Variants in CACNA1S observed in about 807,000 individuals in gnomAD.
CACNA1S encodes the protein voltage-dependent L-type calcium channel subunit alpha-1S.
In CACNA1S, 126 loss-of-function variants were observed where a neutral mutation model predicts 207.4. The ratio of observed to expected loss-of-function variants is 0.61; its 90% CI spans 0.53 to 0.70. The LOEUF (loss-of-function observed/expected upper bound fraction) is 0.70. Ranked by LOEUF, CACNA1S falls within the 30% of genes least tolerant of loss-of-function variation. The pLI is 0.00. For missense variants in CACNA1S, 2,349 were observed against 2,422.8 expected (o/e 0.97, Z 0.64); for synonymous variants, 960 against 932.7 (o/e 1.03, Z -0.53).
intron 13 of CACNA1S, 40 bp downstream of exon 13, chr1:201,075,454 CT>C: frequency 1.3e-6 from 2 of 1,594,310 alleles, no homozygotes; most frequent in African/African-American, 1.3e-5. Flanking sequence ...CCCCCACCCC[CT>C]CCCTAAGCTC....
chr1:201,075,226 C>T (rs1335387101), intron 13 of CACNA1S, among the ~76,000 whole-genome samples: 5 of 152,222 alleles, frequency 3.3e-5, no homozygotes, highest in Non-Finnish European at 5.9e-5. Context: ...CTCCCCACTG[C>T]TCTAGGCTCA....
At chr1:201,112,164 C>G (rs200857096) in intron 1 of CACNA1S, 24 bp downstream of exon 1, 154 of 1,597,778 alleles carry the variant, frequency 9.6e-5, no homozygotes, top group East Asian at 3.1e-4. Flanking sequence ...CACCCCCCCC[C>G]ACGGCCCGGG....
chr1:201,047,146 T>C lies in CACNA1S; in HGVS notation c.4637A>G (p.Tyr1546Cys). ...FMKRQEEYYG[Y>C]RPKKDIVQIQ... ...CTGTACAATGTCCTTCTTGGGCCGA[T>C]AGCCATAATACTCCTCTTGGCGTTT... The change falls in exon 38 of 44, where the codon TAT becomes TGT. Residue 1546 changes from tyrosine to cysteine, a missense_variant. By Grantham distance (194) the Tyr-to-Cys change is radical. Coordinates refer to ENST00000362061, the MANE Select transcript of CACNA1S (RefSeq NM_000069.3). 6.2e-7 allele frequency: 1 copy of C among 1,614,212 alleles called. No individual in the cohort carries two copies. Among genetic ancestry groups the C allele is most frequent in the Non-Finnish European group, 8.5e-7 (1 of 1,180,042 alleles).
rs1660736970 is a variant in CACNA1S at position 201,053,643 on chromosome 1, G to A, written c.3667-56C>T. Reference sequence around the variant, plus strand: ...GGGGGCAGAACCTCAGAGGGGTAAGGGGCAGGGCGGGGAGGGAGGTGCACT... The same window carrying A: ...GGGGGCAGAACCTCAGAGGGGTAAGAGGCAGGGCGGGGAGGGAGGTGCACT... On this transcript the variant is annotated intron_variant, in intron 29 of 43. Coordinates refer to ENST00000362061, the MANE Select transcript of CACNA1S (RefSeq NM_000069.3). The surrounding 1 kb of genome is among the most constrained non-coding windows in gnomAD (Gnocchi z 5.1). 28 of 1,549,676 alleles carry A rather than the reference G, an allele frequency of 1.8e-5. No individual in the cohort carries two copies. In the South Asian group the frequency reaches 2.9e-4, roughly 16 times the overall value.
At chr1:201,090,299 C>G (rs1165687250) in intron 5 of CACNA1S, among the ~76,000 whole-genome samples, 1 of 152,182 alleles carries the variant, frequency 6.6e-6, no homozygotes, top group Non-Finnish European at 1.5e-5. Flanking sequence ...ACCAGTGAGA[C>G]CTCCAAATTT....
intron 7 of CACNA1S, among the ~76,000 whole-genome samples, chr1:201,087,391 G>A (rs912118352): frequency 5.3e-5 from 8 of 152,108 alleles, no homozygotes; most frequent in African/African-American, 1.4e-4. Flanking sequence ...GTGCTTAACC[G>A]AAAGCCCCAC....
chr1:201,067,356 G>C (rs1661285323), intron 19 of CACNA1S, among the ~76,000 whole-genome samples: 1 of 152,142 alleles, frequency 6.6e-6, no homozygotes, highest in South Asian at 2.1e-4. Context: ...AATCCCCTCT[G>C]CCTTGTGGTT....
At chr1:201,068,394 C>T (rs894012017) in intron 19 of CACNA1S, among the ~76,000 whole-genome samples, 40 of 150,868 alleles carry the variant, frequency 2.7e-4, no homozygotes, top group African/African-American at 6.5e-4. Context: ...AGGTGCCTGC[C>T]GCCATGCCTG....
chr1:201,098,947 C>A (rs777266666), intron 2 of CACNA1S, among the ~76,000 whole-genome samples: 4 of 152,122 alleles, frequency 2.6e-5, no homozygotes, highest in South Asian at 2.1e-4. Context: ...GGTGTGTGAC[C>A]CCTGATGCAC....
chr1:201,065,403 T>G (rs538123339), intron 22 of CACNA1S, among the ~76,000 whole-genome samples: 3 of 152,356 alleles, frequency 2.0e-5, no homozygotes, highest in South Asian at 2.1e-4. Context: ...ATTTATAGAT[T>G]GAAGTTTCAT....
intron 28 of CACNA1S, 23 bp from the exon 29 acceptor site, chr1:201,054,584 G>A: frequency 6.2e-7 from 1 of 1,602,500 alleles, no homozygotes; most frequent in Non-Finnish European, 8.5e-7. Context: ...GAGACGAAGG[G>A]AGGGGAAGGA....
intron 12 of CACNA1S, 45 bp from the exon 13 acceptor site, chr1:201,075,660 G>C: frequency 6.2e-7 from 1 of 1,607,850 alleles, no homozygotes; most frequent in Non-Finnish European, 8.5e-7. Context: ...AGAGGGGCCT[G>C]AGAGTCTTCT....
intron 2 of CACNA1S, 98 bp from the exon 3 acceptor site, chr1:201,094,119 G>A (rs1406663122): frequency 1.2e-5 from 17 of 1,477,924 alleles, no homozygotes; most frequent in Non-Finnish European, 1.6e-5. Context: ...CTGTTGCTCA[G>A]GCACGCCCAC....
chr1:201,050,381 G>A lies in CACNA1S; in HGVS notation c.4241+8C>T. The stretch of plus-strand genomic sequence containing the variant: ...GGGCCCAGCACAGAGCCTACAGATT[G>A]GACTCACTTAGCCTCTGGGTCATAC... On this transcript the variant is annotated splice_region_variant and intron_variant, in intron 34 of 43. Coordinates refer to ENST00000362061, the MANE Select transcript of CACNA1S (RefSeq NM_000069.3). 1 of 1,613,914 alleles carries A rather than the reference G, an allele frequency of 6.2e-7. No homozygotes were observed. Among genetic ancestry groups the A allele is most frequent in the Non-Finnish European group, 8.5e-7 (1 of 1,179,842 alleles).
chr1:201,068,498 C>T (rs1661331302), intron 19 of CACNA1S, among the ~76,000 whole-genome samples: 1 of 150,888 alleles, frequency 6.6e-6, no homozygotes, highest in Non-Finnish European at 1.5e-5. Context: ...CCGCCTCGGC[C>T]TCCCAAAGTG....
chr1:201,091,906 A>G, intron 4 of CACNA1S, 66 bp downstream of exon 4: 1 of 1,609,940 alleles, frequency 6.2e-7, no homozygotes, highest in Non-Finnish European at 8.5e-7. Context: ...AAGGGGACCC[A>G]GAACTGGGGG....
In CACNA1S at chr1:201,091,567, C is replaced by T; in HGVS notation, c.694+73G>A. The T allele has an allele frequency of 5.1e-6, 8 of 1,558,706 alleles. No homozygotes were observed. The South Asian group carries it at 8.9e-5, about 17-fold the overall frequency. On this transcript the variant is annotated intron_variant, in intron 5 of 43. Coordinates refer to ENST00000362061, the MANE Select transcript of CACNA1S (RefSeq NM_000069.3). Reference sequence around the variant, plus strand: ...AATGGCTGAGCTCCGGGCTCCTTCACCAGGTAGGGTGGCTCCCCCTTCTGA... The same window carrying T: ...AATGGCTGAGCTCCGGGCTCCTTCATCAGGTAGGGTGGCTCCCCCTTCTGA...
At chr1:201,044,248 G>A (rs949334000) in intron 39 of CACNA1S, 80 bp downstream of exon 39, 12 of 1,579,742 alleles carry the variant, frequency 7.6e-6, no homozygotes, top group Non-Finnish European at 7.8e-6. Flanking sequence ...TCGTGTGGCT[G>A]GGCTCCCAGC....
At chr1:201,060,561 C>A in intron 26 of CACNA1S, 97 bp downstream of exon 26, 1 of 1,324,970 alleles carries the variant, frequency 7.5e-7, no homozygotes, top group South Asian at 1.2e-5. Context: ...GAAATGTCTA[C>A]TGGGGGGAAT....
Sources: allele counts gnomAD v4.1 joint callset (sites outside exome capture counted in the v4.1 genomes callset), GRCh38; gene constraint gnomAD v4.1.1; non-coding constraint Gnocchi (gnomAD v3.1); transcripts MANE v1.5; gene names NCBI Gene and HGNC (gene_info 2026-07-23, HGNC 2026-07-21).